AGPAT4: variants seen among roughly 807,000 people sequenced by gnomAD.
The protein encoded by AGPAT4 is 1-acyl-sn-glycerol-3-phosphate acyltransferase delta.
In AGPAT4, 15 loss-of-function variants were observed where a neutral mutation model predicts 48.0. The ratio of observed to expected loss-of-function variants is 0.31; its 90% CI spans 0.21 to 0.48. The LOEUF (loss-of-function observed/expected upper bound fraction) is 0.48. Among genes scored for constraint, AGPAT4 ranks in the 20% least tolerant of loss-of-function variants. AGPAT4 has a pLI of 0.99. For missense variants in AGPAT4, 314 were observed against 482.5 expected, an observed-to-expected ratio of 0.65 and a Z score of 3.27; for synonymous variants, 178 against 198.7, an observed-to-expected ratio of 0.90 and a Z score of 0.88.
intron 1 of AGPAT4, among the ~76,000 whole-genome samples, chr6:161,260,942 G>A (rs1783083548): frequency 6.6e-6 from 1 of 152,146 alleles, no homozygotes; most frequent in Non-Finnish European, 1.5e-5. Context: ...ATTTCACCAG[G>A]CAGGGCCATG....
Position 161,130,741 on chromosome 6 carries a change from AG to A in AGPAT4, c.*5798del, listed in dbSNP as rs1210111970. 4.1e-5 allele frequency: 18 copies of A among 440,802 alleles called. No individual in the cohort carries two copies. Among genetic ancestry groups the A allele is most frequent in the African/African-American group, 3.6e-4 (18 of 50,268 alleles). The allele number at this position is 440,802 out of a possible 1,614,324, so 27.3% of individuals were successfully genotyped here. On this transcript the variant is annotated 3_prime_UTR_variant, in exon 9 of 9. Transcript: ENST00000320285. ...CCTCAGATGCGAGTAAGGAAGCTCCAGTTGTAGCCTTGGCACAGCTGAGGCC... is the reference window on the plus strand; with the variant it reads ...CCTCAGATGCGAGTAAGGAAGCTCCATTGTAGCCTTGGCACAGCTGAGGCC...
chr6:161,270,130 T>C lies in AGPAT4; in HGVS notation c.-90+3808A>G, dbSNP rs1783380800. On this transcript the variant is annotated intron_variant, in intron 1 of 8. Transcript: ENST00000320285. This position sits in a 1 kb window ranked among gnomAD's most constrained non-coding sequence, Gnocchi z 5.3. ...CATGGGGTTTCCCTTGTAAACCCAT[T>C]TGAAAACTATAACTATTTAAACTGT... Among the ~76,000 whole-genome samples, 1 of 152,234 alleles carries C rather than the reference T, an allele frequency of 6.6e-6. No individual in the cohort carries two copies. The highest frequency in any genetic ancestry group is 2.4e-5 in the African/African-American group (1 of 41,470).
intron 3 of AGPAT4, among the ~76,000 whole-genome samples, chr6:161,162,688 A>G (rs1343718081): frequency 1.3e-5 from 2 of 152,214 alleles, no homozygotes; most frequent in African/African-American, 4.8e-5. Flanking sequence ...ACTAATCCAC[A>G]TGGCTTCTTT....
rs747030891 is a variant in AGPAT4, at chr6:161,223,546, G to A, written c.178+8490C>T. The stretch of plus-strand genomic sequence containing the variant: ...TGAGGTAATGGCTAGGAAAGGTTTA[G>A]CACAATGCTTAATACATAATCAACA... On this transcript the variant is annotated intron_variant, in intron 2 of 8. Coordinates refer to ENST00000320285, the MANE Select transcript of AGPAT4 (RefSeq NM_020133.3). This position sits in a 1 kb window ranked among gnomAD's most constrained non-coding sequence, Gnocchi z 6.3. 6.6e-6 allele frequency among the ~76,000 whole-genome samples: 1 copy of A among 152,206 alleles called. No homozygotes were observed. The highest frequency in any genetic ancestry group is 6.5e-5 in the Admixed American group (1 of 15,288).
At chr6:161,247,167 C>T (rs756499432) in intron 1 of AGPAT4, among the ~76,000 whole-genome samples, 29 of 152,210 alleles carry the variant, frequency 1.9e-4, no homozygotes, top group Non-Finnish European at 3.7e-4. Flanking sequence ...ACTCAGATGT[C>T]GGTTGAGGAA....
rs943819566 is a variant in AGPAT4, at chr6:161,261,753, C to T, written c.-90+12185G>A. On this transcript the variant is annotated intron_variant, in intron 1 of 8. Transcript: ENST00000320285. The surrounding 1 kb of genome is among the most constrained non-coding windows in gnomAD (Gnocchi z 5.3). ...GGGGTTTCCTCCACCTGGTTTTGCC[C>T]TCTTTATTCCTTTTCTCTTTCTTTA... Among the ~76,000 whole-genome samples the T allele has an allele frequency of 6.6e-6, 1 of 152,214 alleles. No homozygotes were observed. The highest frequency in any genetic ancestry group is 1.5e-5 in the Non-Finnish European group (1 of 68,042).
Position 161,219,877 on chromosome 6 carries a change from AGGCAGG to A in AGPAT4, c.178+12153_178+12158del, listed in dbSNP as rs1562343702. Among the ~76,000 whole-genome samples, 1,970 of 105,072 alleles carry A rather than the reference AGGCAGG, an allele frequency of 0.019. 20 individuals carry two copies. The highest frequency in any genetic ancestry group is 0.028 in the Non-Finnish European group (1,281 of 46,328). 68.9% of individuals were successfully genotyped at this position (105,072 alleles called of 152,430 possible). ...TAGATAGATAGATAGATAGATAGGCAGGCAGGCAGGCAGGCAGGCAGGCAGGCAGGC... is the reference window on the plus strand; with the variant it reads ...TAGATAGATAGATAGATAGATAGGCACAGGCAGGCAGGCAGGCAGGCAGGC... On this transcript the variant is annotated intron_variant, in intron 2 of 8. Transcript: ENST00000320285. The surrounding 1 kb of genome is among the most constrained non-coding windows in gnomAD (Gnocchi z 4.9).
chr6:161,247,472 C>CT (rs376103049), intron 1 of AGPAT4, among the ~76,000 whole-genome samples: 4 of 152,018 alleles, frequency 2.6e-5, no homozygotes, highest in Admixed American at 2.0e-4. Flanking sequence ...ATTTCAGAGG[C>CT]TTTTTTTATT....
At position 161,171,771 on chromosome 6, in the gene AGPAT4, G is replaced by A. The variant is rs1039094788; in HGVS notation, c.179-5354C>T. Among the ~76,000 whole-genome samples, 2 of 152,078 alleles carry A rather than the reference G, an allele frequency of 1.3e-5. No individual in the cohort carries two copies. Among genetic ancestry groups the A allele is most frequent in the East Asian group, 3.9e-4 (2 of 5,178 alleles). Reference sequence around the variant, plus strand: ...AAAAATTAGCTGGGCGTGGTGGCAGGCACCTGTAGTCCCAGCTACTCGGGA... The same window carrying A: ...AAAAATTAGCTGGGCGTGGTGGCAGACACCTGTAGTCCCAGCTACTCGGGA... On this transcript the variant is annotated intron_variant, in intron 2 of 8. Transcript: ENST00000320285. This position sits in a 1 kb window ranked among gnomAD's most constrained non-coding sequence, Gnocchi z 4.4.
At chr6:161,153,987 G>C in intron 4 of AGPAT4, 162 bp downstream of exon 4, 1 of 938,572 alleles carries the variant, frequency 1.1e-6, no homozygotes, top group Non-Finnish European at 1.6e-6. Flanking sequence ...ACGGCCCCAT[G>C]GTCACATACA....
rs1781800310 is a variant in AGPAT4, at chr6:161,220,363, A to G, written c.178+11673T>C. On this transcript the variant is annotated intron_variant, in intron 2 of 8. Transcript: ENST00000320285. This position sits in a 1 kb window ranked among gnomAD's most constrained non-coding sequence, Gnocchi z 6.0. ...TCTAAATAAAATCATTTCACTAGGAATTGGGCCAGAGTGTAACAGTAACTA... is the reference window on the plus strand; with the variant it reads ...TCTAAATAAAATCATTTCACTAGGAGTTGGGCCAGAGTGTAACAGTAACTA... 1.3e-5 allele frequency among the ~76,000 whole-genome samples: 2 copies of G among 152,216 alleles called. No individual in the cohort carries two copies. The highest frequency in any genetic ancestry group is 4.1e-4 in the South Asian group (2 of 4,834).
At position 161,234,303 on chromosome 6, in the gene AGPAT4, A is replaced by T. The variant is rs1186672017; in HGVS notation, c.-89-2001T>A. Among the ~76,000 whole-genome samples, 1 of 152,176 alleles carries T rather than the reference A, an allele frequency of 6.6e-6. No individual in the cohort carries two copies. Among genetic ancestry groups the T allele is most frequent in the Non-Finnish European group, 1.5e-5 (1 of 68,038 alleles). On this transcript the variant is annotated intron_variant, in intron 1 of 8. Transcript: ENST00000320285. This position sits in a 1 kb window ranked among gnomAD's most constrained non-coding sequence, Gnocchi z 4.4. ...TTTCTGATAGGAGGGAAATGGGAAG[A>T]AGCTTTCGGCCTGATTTCTCTGAAA...
intron 2 of AGPAT4, among the ~76,000 whole-genome samples, chr6:161,185,386 G>A (rs1022255176): frequency 1.0e-4 from 15 of 149,224 alleles, no homozygotes; most frequent in South Asian, 2.1e-4. Context: ...GACCCCCTGC[G>A]TTCAGGTGAT....
chr6:161,219,870 G>GGC lies in AGPAT4; in HGVS notation c.178+12165_178+12166insGC, dbSNP rs1562343611. Among the ~76,000 whole-genome samples the GGC allele has an allele frequency of 1.3e-3, 154 of 117,728 alleles. No individual in the cohort carries two copies. Among genetic ancestry groups the GGC allele is most frequent in the South Asian group, 2.7e-3 (10 of 3,770 alleles). 77.2% of individuals were successfully genotyped at this position (117,728 alleles called of 152,430 possible). A position where few individuals can be genotyped will look rare whatever the true frequency, so the allele number is the denominator to read the frequency against. ...AGATAGATAGATAGATAGATAGATA[G>GGC]ATAGGCAGGCAGGCAGGCAGGCAGG... On this transcript the variant is annotated intron_variant, in intron 2 of 8. Coordinates refer to ENST00000320285, the MANE Select transcript of AGPAT4 (RefSeq NM_020133.3). This position sits in a 1 kb window ranked among gnomAD's most constrained non-coding sequence, Gnocchi z 4.9.
rs1780478069 is a variant in AGPAT4, at chr6:161,178,165, C to A, written c.179-11748G>T. ...AAATTCTGTGCTGGGAGAACCACTA[C>A]TCTCTTCAAAGCTGTCAGACAGGGA... On this transcript the variant is annotated intron_variant, in intron 2 of 8. Transcript: ENST00000320285. This position sits in a 1 kb window ranked among gnomAD's most constrained non-coding sequence, Gnocchi z 5.1. Among the ~76,000 whole-genome samples, 2 of 152,216 alleles carry A rather than the reference C, an allele frequency of 1.3e-5. No homozygotes were observed. Among genetic ancestry groups the A allele is most frequent in the Non-Finnish European group, 2.9e-5 (2 of 68,042 alleles).
In AGPAT4 at chr6:161,136,775, T is replaced by A. The variant is rs554173719; in HGVS notation, c.1043-141A>T. Reference sequence around the variant, plus strand: ...GGCTGGCGGGTTTGAGGTGCCATCATCCTGCCGGCTTTACAATCATCCTTG... The same window carrying A: ...GGCTGGCGGGTTTGAGGTGCCATCAACCTGCCGGCTTTACAATCATCCTTG... On this transcript the variant is annotated intron_variant, in intron 8 of 8. Transcript: ENST00000320285. 7 of 662,854 alleles carry A rather than the reference T, an allele frequency of 1.1e-5. No homozygotes were observed. In the African/African-American group the frequency reaches 1.3e-4, roughly 12 times the overall value. The allele number at this position is 662,854 out of a possible 1,614,324, so 41.1% of individuals were successfully genotyped here. A position where few individuals can be genotyped will look rare whatever the true frequency, so the allele number is the denominator to read the frequency against.
In AGPAT4 at chr6:161,208,452, C is replaced by A. The variant is rs754488166; in HGVS notation, c.178+23584G>T. On this transcript the variant is annotated intron_variant, in intron 2 of 8. Coordinates refer to ENST00000320285, the MANE Select transcript of AGPAT4 (RefSeq NM_020133.3). The surrounding 1 kb of genome is among the most constrained non-coding windows in gnomAD (Gnocchi z 4.6). ...TGTATACAAATGCACGCACACACAC[C>A]CACCCCCAACATCTGCAGGTTTAAG... 6.0e-5 allele frequency among the ~76,000 whole-genome samples: 9 copies of A among 149,680 alleles called. No homozygotes were observed. Among genetic ancestry groups the A allele is most frequent in the Non-Finnish European group, 1.2e-4 (8 of 67,782 alleles).
chr6:161,213,324 C>T (rs1017734999), intron 2 of AGPAT4, among the ~76,000 whole-genome samples: 14 of 152,160 alleles, frequency 9.2e-5, no homozygotes, highest in African/African-American at 3.4e-4. Flanking sequence ...GCAAACCAGT[C>T]CTACCATGAT....
At position 161,267,146 on chromosome 6, in the gene AGPAT4, A is replaced by G. The variant is rs1382412618; in HGVS notation, c.-90+6792T>C. ...TCCTGGGTTACACATTGGTTTTGAG[A>G]AGAGTTCATCTTTAATTTAATGTAT... On this transcript the variant is annotated intron_variant, in intron 1 of 8. Coordinates refer to ENST00000320285, the MANE Select transcript of AGPAT4 (RefSeq NM_020133.3). The surrounding 1 kb of genome is among the most constrained non-coding windows in gnomAD (Gnocchi z 5.2). Among the ~76,000 whole-genome samples the G allele has an allele frequency of 6.6e-6, 1 of 152,172 alleles. No homozygotes were observed. Among genetic ancestry groups the G allele is most frequent in the Non-Finnish European group, 1.5e-5 (1 of 68,032 alleles).
Sources: allele counts gnomAD v4.1 joint callset (sites outside exome capture counted in the v4.1 genomes callset), GRCh38; gene constraint gnomAD v4.1.1; non-coding constraint Gnocchi (gnomAD v3.1); transcripts MANE v1.5; gene names NCBI Gene and HGNC (gene_info 2026-07-23, HGNC 2026-07-21).